Variants in HS6ST3 observed in about 807,000 individuals in gnomAD.
HS6ST3 encodes heparan-sulfate 6-O-sulfotransferase 3.
HS6ST3 carries 12 observed loss-of-function variants against 36.7 expected under a neutral mutation model. That is an observed-to-expected ratio of 0.33 (90% CI 0.21 to 0.53). HS6ST3 has a LOEUF of 0.53. HS6ST3 is among the 20% of genes least tolerant of loss of function. The pLI is 0.95. For missense variants in HS6ST3, 584 were observed against 640.9 expected (o/e 0.91, Z 0.96); for synonymous variants, 240 against 257.5 (o/e 0.93, Z 0.65).
chr13:96,157,742 T>A (rs549897706), intron 1 of HS6ST3, among the ~76,000 whole-genome samples: 4 of 152,332 alleles, frequency 2.6e-5, no homozygotes, highest in African/African-American at 9.6e-5. Context: ...GTTTTTGTGG[T>A]TTTACATAAT....
intron 1 of HS6ST3, among the ~76,000 whole-genome samples, chr13:96,332,148 C>T (rs187928201): frequency 3.3e-5 from 5 of 152,348 alleles, no homozygotes; most frequent in African/African-American, 4.8e-5. Flanking sequence ...TCTTCTGTGT[C>T]GCTCGTGCTG....
At chr13:96,317,350 A>T (rs1045599281) in intron 1 of HS6ST3, among the ~76,000 whole-genome samples, 39,399 of 83,326 alleles carry the variant, frequency 0.47, 6,750 homozygotes, top group South Asian at 0.53. Context: ...ATATATATAT[A>T]TATATATATA....
chr13:96,532,459 T>C (rs1347638539), intron 1 of HS6ST3, among the ~76,000 whole-genome samples: 1 of 152,196 alleles, frequency 6.6e-6, no homozygotes, highest in Non-Finnish European at 1.5e-5. Context: ...TCGGGAAAAG[T>C]ATTTGCTAAC....
At chr13:96,580,740 C>T (rs1281730179) in intron 1 of HS6ST3, among the ~76,000 whole-genome samples, 1 of 151,976 alleles carries the variant, frequency 6.6e-6, no homozygotes, top group Non-Finnish European at 1.5e-5. Flanking sequence ...GTAGATTTTG[C>T]TTTTTACTTA....
At chr13:96,178,881 G>T (rs1207692570) in intron 1 of HS6ST3, among the ~76,000 whole-genome samples, 12 of 152,172 alleles carry the variant, frequency 7.9e-5, no homozygotes, top group Non-Finnish European at 7.3e-5. Flanking sequence ...TTAGATTACT[G>T]AAAGTTATTG....
At chr13:96,156,223 G>A (rs576019779) in intron 1 of HS6ST3, among the ~76,000 whole-genome samples, 1 of 152,258 alleles carries the variant, frequency 6.6e-6, no homozygotes, top group East Asian at 1.9e-4. Context: ...ACAACAGAGA[G>A]GCAGACTCAC....
intron 1 of HS6ST3, among the ~76,000 whole-genome samples, chr13:96,520,489 A>G (rs182582803): frequency 9.2e-5 from 14 of 152,366 alleles, no homozygotes; most frequent in Non-Finnish European, 1.2e-4. Flanking sequence ...ATCCATAAGC[A>G]TGGAATATTT....
Position 96,737,213 on chromosome 13 carries a change from A to G in HS6ST3, c.708-95277A>G, listed in dbSNP as rs559805413. On this transcript the variant is annotated intron_variant, in intron 1 of 1. Transcript: ENST00000376705. ...AAATGCAGTGGAAATTAAAAGAATC[A>G]TAAGAGACTATTTTGCTCAGTTTTA... Among the ~76,000 whole-genome samples, 4 of 152,370 alleles carry G rather than the reference A, an allele frequency of 2.6e-5. No individual in the cohort carries two copies. In the East Asian group the frequency reaches 7.7e-4, roughly 29 times the overall value.
At chr13:96,339,087 A>T (rs1226991387) in intron 1 of HS6ST3, among the ~76,000 whole-genome samples, 2 of 152,168 alleles carry the variant, frequency 1.3e-5, no homozygotes, top group Admixed American at 6.5e-5. Flanking sequence ...AATTTAGGAC[A>T]TGAAGTGTGC....
At chr13:96,295,242 A>T (rs2054849317) in intron 1 of HS6ST3, among the ~76,000 whole-genome samples, 1 of 152,100 alleles carries the variant, frequency 6.6e-6, no homozygotes, top group South Asian at 2.1e-4. Context: ...TAATACCTCC[A>T]TGTTTTCCTT....
chr13:96,091,713 G>GTTTCT, intron 1 of HS6ST3, 144 bp downstream of exon 1: 2 of 1,155,990 alleles, frequency 1.7e-6, no homozygotes, highest in Non-Finnish European at 2.4e-6. Flanking sequence ...CTTTGGGGAG[G>GTTTCT]GATGAGAAAC....
intron 1 of HS6ST3, among the ~76,000 whole-genome samples, chr13:96,605,982 T>C (rs2056437415): frequency 6.6e-6 from 1 of 151,900 alleles, no homozygotes; most frequent in South Asian, 2.1e-4. Context: ...ATGCTCATCA[T>C]CACTTGTCAT....
intron 1 of HS6ST3, among the ~76,000 whole-genome samples, chr13:96,154,526 C>G (rs2054101509): frequency 6.6e-6 from 1 of 151,966 alleles, no homozygotes; most frequent in East Asian, 1.9e-4. Flanking sequence ...AGTAAAATGT[C>G]AAGGATAATT....
chr13:96,589,739 G>T (rs976150855), intron 1 of HS6ST3, among the ~76,000 whole-genome samples: 1 of 151,596 alleles, frequency 6.6e-6, no homozygotes, highest in Non-Finnish European at 1.5e-5. Context: ...AATTACTTTG[G>T]ACTATAGTCA....
intron 1 of HS6ST3, among the ~76,000 whole-genome samples, chr13:96,386,526 A>G (rs1326572026): frequency 6.6e-6 from 1 of 152,132 alleles, no homozygotes; most frequent in East Asian, 1.9e-4. Context: ...TTGTTTTTAA[A>G]AAGTGTAAAG....
At chr13:96,335,572 T>C (rs903098990) in intron 1 of HS6ST3, among the ~76,000 whole-genome samples, 7 of 152,198 alleles carry the variant, frequency 4.6e-5, no homozygotes, top group African/African-American at 1.4e-4. Flanking sequence ...CTTTTAGCTA[T>C]AGCTGGGGTG....
At chr13:96,275,561 C>T (rs1010111947) in intron 1 of HS6ST3, among the ~76,000 whole-genome samples, 11 of 152,110 alleles carry the variant, frequency 7.2e-5, no homozygotes, top group Admixed American at 1.3e-4. Context: ...AACAATGTTT[C>T]CAAAGTCATG....
intron 1 of HS6ST3, among the ~76,000 whole-genome samples, chr13:96,222,597 A>T (rs186477506): frequency 2.0e-5 from 3 of 152,254 alleles, no homozygotes; most frequent in Non-Finnish European, 4.4e-5. Flanking sequence ...TTGTTGCTGG[A>T]TGATTTCTTC....
At chr13:96,329,251 C>G (rs1184220643) in intron 1 of HS6ST3, among the ~76,000 whole-genome samples, 312 of 146,788 alleles carry the variant, frequency 2.1e-3, no homozygotes, top group Non-Finnish European at 3.6e-3. Flanking sequence ...TCTTGCTTTT[C>G]TAGTTCTTTT....
Sources: allele counts gnomAD v4.1 joint callset (sites outside exome capture counted in the v4.1 genomes callset), GRCh38; gene constraint gnomAD v4.1.1; transcripts MANE v1.5; gene names NCBI Gene and HGNC (gene_info 2026-07-23, HGNC 2026-07-21).